GOPC: variants seen among roughly 807,000 people sequenced by gnomAD.
GOPC encodes golgi associated PDZ and coiled-coil motif containing.
In GOPC, 32 loss-of-function variants were observed where a neutral mutation model predicts 51.2. That is an observed-to-expected ratio of 0.63 (90% CI 0.47 to 0.84). The LOEUF (loss-of-function observed/expected upper bound fraction) is 0.84, where lower values mean the gene tolerates loss of function less well. Ranked by LOEUF, GOPC falls within the 40% of genes least tolerant of loss-of-function variation. The pLI is 0.00. For synonymous variants in GOPC, 190 were observed against 205.1 expected, an observed-to-expected ratio of 0.93 and a Z score of 0.63; for missense variants, 441 against 555.5, an observed-to-expected ratio of 0.79 and a Z score of 2.07.
chr6:117,600,038 C>T (rs1771970189), intron 1 of GOPC, among the ~76,000 whole-genome samples: 1 of 152,114 alleles, frequency 6.6e-6, no homozygotes, highest in African/African-American at 2.4e-5. Context: ...CTTTCTGTTT[C>T]TTATAACAGA....
At chr6:117,601,938 A>C (rs1168839200) in intron 1 of GOPC, 66 bp downstream of exon 1, 1 of 1,549,344 alleles carries the variant, frequency 6.5e-7, no homozygotes, top group African/African-American at 1.4e-5. Context: ...TGGAGCGTTA[A>C]ATGGCATCTG....
At chr6:117,593,036 T>C (rs547102279) in intron 1 of GOPC, among the ~76,000 whole-genome samples, 3 of 152,326 alleles carry the variant, frequency 2.0e-5, no homozygotes, top group African/African-American at 4.8e-5. Flanking sequence ...TAAACAGATA[T>C]GCATTGCTAG....
intron 3 of GOPC, among the ~76,000 whole-genome samples, chr6:117,576,401 T>C (rs1779881623): frequency 1.3e-5 from 2 of 152,058 alleles, no homozygotes; most frequent in African/African-American, 2.4e-5. Context: ...ATTAAACTCT[T>C]ATTTCAGAAC....
chr6:117,582,161 C>T (rs1014130251), intron 1 of GOPC, among the ~76,000 whole-genome samples: 2 of 150,892 alleles, frequency 1.3e-5, no homozygotes, highest in Non-Finnish European at 3.0e-5. Context: ...TGTGAAGTAC[C>T]TGTGTTAGTC....
intron 1 of GOPC, among the ~76,000 whole-genome samples, chr6:117,598,840 C>A (rs1319310152): frequency 6.6e-6 from 1 of 152,076 alleles, no homozygotes; most frequent in African/African-American, 2.4e-5. Flanking sequence ...TTCTATAGCA[C>A]CATAAGATGA....
At chr6:117,601,530 C>T (rs982877228) in intron 1 of GOPC, among the ~76,000 whole-genome samples, 1 of 152,110 alleles carries the variant, frequency 6.6e-6, no homozygotes, top group Non-Finnish European at 1.5e-5. Context: ...GATCAGATTC[C>T]CCTAAATAGT....
chr6:117,587,297 G>A (rs527263145), intron 1 of GOPC, among the ~76,000 whole-genome samples: 1 of 152,228 alleles, frequency 6.6e-6, no homozygotes, highest in East Asian at 1.9e-4. Flanking sequence ...TACTCTGAGA[G>A]ACGCACTTTT....
chr6:117,590,160 C>T (rs1044123660), intron 1 of GOPC, among the ~76,000 whole-genome samples: 2 of 152,094 alleles, frequency 1.3e-5, no homozygotes, highest in Admixed American at 6.6e-5. Flanking sequence ...ACACCAGATG[C>T]GTTTCAAAAA....
intron 1 of GOPC, among the ~76,000 whole-genome samples, chr6:117,598,050 C>G (rs531702077): frequency 6.6e-6 from 1 of 152,020 alleles, no homozygotes; most frequent in Non-Finnish European, 1.5e-5. Flanking sequence ...TGTTCTCACT[C>G]AAATGTAGAA....
At chr6:117,574,303 T>C (rs558390311) in intron 4 of GOPC, among the ~76,000 whole-genome samples, 5 of 152,160 alleles carry the variant, frequency 3.3e-5, no homozygotes, top group Admixed American at 2.6e-4. Flanking sequence ...TTCAAGATGA[T>C]ATAAATTATT....
At chr6:117,563,520 G>A (rs1426008324) in intron 8 of GOPC, 136 bp from the exon 9 acceptor site, 4 of 738,930 alleles carry the variant, frequency 5.4e-6, no homozygotes, top group East Asian at 2.6e-5. Context: ...TTAGGGGTTC[G>A]AGACCAGCCT....
At chr6:117,582,551 A>G (rs574442811) in intron 1 of GOPC, among the ~76,000 whole-genome samples, 171 of 151,456 alleles carry the variant, frequency 1.1e-3, no homozygotes, top group African/African-American at 3.9e-3. Flanking sequence ...AGACTCAGCC[A>G]GTAGAGAGGA....
Position 117,566,911 on chromosome 6 carries a change from C to A in GOPC, c.1201G>T (p.Gly401Cys). 6.2e-7 allele frequency: 1 copy of A among 1,607,706 alleles called. No homozygotes were observed. Among genetic ancestry groups the A allele is most frequent in the Non-Finnish European group, 8.5e-7 (1 of 1,177,330 alleles). ...TTGCAACTAGCACCAGGGTTACCAC[C>A]TCCTTCTAACTCATCAAGGTACAAA... ...YRLYLDELEGGGNPGASCKDT... is the reference protein window; with the variant it reads ...YRLYLDELEGCGNPGASCKDT... Residue 401 changes from glycine to cysteine, a missense_variant, in exon 8 of 9, where the codon GGT becomes TGT. Physicochemically the swap from Gly to Cys is radical, Grantham distance 159. This residue lies in a region of GOPC where 166 missense variants were observed against 267.0 expected (regional missense o/e 0.62). Coordinates refer to ENST00000368498, the MANE Select transcript of GOPC (RefSeq NM_020399.4).
chr6:117,586,724 G>A (rs367544405), intron 1 of GOPC, among the ~76,000 whole-genome samples: 4 of 151,600 alleles, frequency 2.6e-5, no homozygotes, highest in Non-Finnish European at 5.9e-5. Context: ...CTCGTGATCC[G>A]CCCGCCTCAG....
Position 117,569,682 on chromosome 6 carries a change from G to T in GOPC, c.967C>A (p.Pro323Thr). 5 of 1,609,894 alleles carry T rather than the reference G, an allele frequency of 3.1e-6. No individual in the cohort carries two copies. Among genetic ancestry groups the T allele is most frequent in the Non-Finnish European group, 4.2e-6 (5 of 1,178,548 alleles). Reference sequence around the variant, plus strand: ...TGCAGCCCTCCGCATCTATCAGCAGGTTGCCCCGGATGGATCTCAGAGATG... The same window carrying T: ...TGCAGCCCTCCGCATCTATCAGCAGTTTGCCCCGGATGGATCTCAGAGATG... The part of the protein sequence containing the change: ...ILISEIHPGQ[P>T]ADRCGGLHVG... Residue 323 changes from proline to threonine, a missense_variant, in exon 7 of 9, where the codon CCT becomes ACT. Physicochemically the swap from Pro to Thr is conservative, Grantham distance 38 (BLOSUM62 -1). Coordinates refer to ENST00000368498, the MANE Select transcript of GOPC (RefSeq NM_020399.4).
chr6:117,579,478 G>A (rs1445206666), intron 1 of GOPC, among the ~76,000 whole-genome samples: 1 of 152,058 alleles, frequency 6.6e-6, no homozygotes, highest in Non-Finnish European at 1.5e-5. Flanking sequence ...TAAGTGAGTT[G>A]TGTTCTGTCT....
At chr6:117,563,578 C>T (rs1448729733) in intron 8 of GOPC, among the ~76,000 whole-genome samples, 194 bp from the exon 9 acceptor site, 1 of 151,752 alleles carries the variant, frequency 6.6e-6, no homozygotes, top group Non-Finnish European at 1.5e-5. Context: ...AAAAATTCGC[C>T]GGGCATGGTG....
At chr6:117,574,552 G>T (rs935673107) in intron 4 of GOPC, among the ~76,000 whole-genome samples, 3 of 152,148 alleles carry the variant, frequency 2.0e-5, no homozygotes, top group Non-Finnish European at 4.4e-5. Context: ...CTATGCATGT[G>T]AATATCGGCT....
intron 1 of GOPC, among the ~76,000 whole-genome samples, chr6:117,597,315 A>G (rs912019462): frequency 6.6e-6 from 1 of 152,286 alleles, no homozygotes; most frequent in Middle Eastern, 3.4e-3. Context: ...TAGGTATACT[A>G]TCATGTCATC....
Sources: gnomAD v4.1 joint callset for allele counts (sites outside exome capture counted in the v4.1 genomes callset) on GRCh38, gnomAD v4.1.1 for gene constraint, gnomAD v4.1.1 regional missense constraint, MANE v1.5 for transcripts, NCBI Gene and HGNC (gene_info 2026-07-23, HGNC 2026-07-21) for gene names.